The following SRL variants were observed in gnomAD, a reference collection of about 807,000 sequenced individuals.
SRL encodes sarcalumenin.
SRL carries 23 observed loss-of-function variants against 39.5 expected under a neutral mutation model. That is an observed-to-expected ratio of 0.58 (90% CI 0.42 to 0.82). The LOEUF is 0.82. SRL is among the 40% of genes least tolerant of loss of function. SRL has a pLI of 0.00. For missense variants in SRL, 592 were observed against 607.8 expected (o/e 0.97, Z 0.27); for synonymous variants, 272 against 237.4 (o/e 1.15, Z -1.34).
intron 3 of SRL, among the ~76,000 whole-genome samples, chr16:4,198,386 C>T (rs904274508): frequency 6.6e-6 from 1 of 152,186 alleles, no homozygotes; most frequent in African/African-American, 2.4e-5. Flanking sequence ...CTCCTCCAGC[C>T]TGGGGCTCCC....
At chr16:4,210,675 G>A (rs146037660) in intron 1 of SRL, among the ~76,000 whole-genome samples, 98 of 151,972 alleles carry the variant, frequency 6.4e-4, no homozygotes, top group African/African-American at 1.9e-3. Flanking sequence ...TAGAGACAGG[G>A]TTTCACCATG....
intron 1 of SRL, chr16:4,207,980 T>C: frequency 2.2e-6 from 1 of 456,754 alleles, no homozygotes; most frequent in Non-Finnish European, 4.4e-6. Flanking sequence ...GTTTCTTGTC[T>C]TGAGGGGCTG....
At chr16:4,207,209 G>T (rs780740647) in intron 1 of SRL, 1 of 456,998 alleles carries the variant, frequency 2.2e-6, no homozygotes, top group African/African-American at 2.0e-5. Context: ...CTTCTTCCTC[G>T]CTTCCACTTC....
At chr16:4,206,779 C>A (rs916091680) in intron 1 of SRL, 5 of 456,770 alleles carry the variant, frequency 1.1e-5, no homozygotes, top group African/African-American at 2.0e-5. Flanking sequence ...TCCTCGGGCT[C>A]CTCTGCCTTC....
Position 4,192,121 on chromosome 16 carries a change from C to A in SRL, c.*32G>T. On this transcript the variant is annotated 3_prime_UTR_variant, in exon 6 of 6. Coordinates refer to ENST00000399609, the MANE Select transcript of SRL (RefSeq NM_001098814.2). The surrounding 1 kb of genome is among the most constrained non-coding windows in gnomAD (Gnocchi z 4.0). ...CAGACAGTTAGGACACAAGCTGATT[C>A]ACCAACAGGAACCCAAGGACCGCTC... 1 of 1,525,326 alleles carries A rather than the reference C, an allele frequency of 6.6e-7. No homozygotes were observed. The highest frequency in any genetic ancestry group is 2.2e-5 in the Admixed American group (1 of 44,854). 94.5% of individuals were successfully genotyped at this position (1,525,326 alleles called of 1,614,324 possible).
chr16:4,208,202 G>A (rs913459898), intron 1 of SRL: 12 of 368,524 alleles, frequency 3.3e-5, no homozygotes, highest in African/African-American at 4.3e-5. Context: ...TCTGGGATGT[G>A]GTGTTGGCCT....
intron 1 of SRL, 66 bp from the exon 2 acceptor site, chr16:4,204,700 C>CACAGCA: frequency 7.0e-7 from 1 of 1,428,204 alleles, no homozygotes; most frequent in Non-Finnish European, 9.9e-7. Flanking sequence ...TGGGCCCCGG[C>CACAGCA]ACAGCAGACG....
chr16:4,208,573 C>T (rs1198627000), intron 1 of SRL, among the ~76,000 whole-genome samples: 1 of 152,200 alleles, frequency 6.6e-6, no homozygotes, highest in Non-Finnish European at 1.5e-5. Context: ...CACCTCATGG[C>T]AGTTCCTACT....
chr16:4,200,715 T>C (rs1364316878), intron 3 of SRL, among the ~76,000 whole-genome samples: 3 of 152,230 alleles, frequency 2.0e-5, no homozygotes, highest in Admixed American at 6.5e-5. Context: ...GGGGCGATAA[T>C]TGGCTGCTAG....
rs76727494 is a variant in SRL at position 4,200,355 on chromosome 16, G to C, written c.260-2440C>G. 4.6e-5 allele frequency among the ~76,000 whole-genome samples: 7 copies of C among 152,308 alleles called. No homozygotes were observed. The East Asian group carries it at 1.4e-3, about 29-fold the overall frequency. On this transcript the variant is annotated intron_variant, in intron 3 of 5. Transcript: ENST00000399609. ...AGCCCTAGATGTTCCGGTTCTCCGA[G>C]ACAAACCACAAACAGGGCCCTTTCC...
intron 1 of SRL, among the ~76,000 whole-genome samples, chr16:4,241,593 G>A (rs2052773965): frequency 6.6e-6 from 1 of 152,168 alleles, no homozygotes; most frequent in Non-Finnish European, 1.5e-5. Flanking sequence ...TCTTACCCGA[G>A]TGGGGCCTCC....
intron 3 of SRL, among the ~76,000 whole-genome samples, chr16:4,199,364 CTTTTT>C (rs71139622): frequency 0.031 from 2,608 of 84,678 alleles, 67 homozygotes; most frequent in African/African-American, 0.1. Context: ...TATTCCCCAT[CTTTTT>C]TTTTTTTTTT....
chr16:4,221,379 C>G (rs983781873), intron 1 of SRL, among the ~76,000 whole-genome samples: 1 of 152,188 alleles, frequency 6.6e-6, no homozygotes, highest in Non-Finnish European at 1.5e-5. Context: ...TTGGCAGCCT[C>G]ATGGCCACAC....
In SRL at chr16:4,211,842, T is replaced by C. The variant is rs112287180; in HGVS notation, c.62-7208A>G. On this transcript the variant is annotated intron_variant, in intron 1 of 5. Transcript: ENST00000399609. ...GCAGCAATGGTGGTGATGATGATGA[T>C]GGTGATGACGACGATGACGACGATG... 2.0e-3 allele frequency among the ~76,000 whole-genome samples: 299 copies of C among 152,230 alleles called. 1 individual carries two copies. Among genetic ancestry groups the C allele is most frequent in the Non-Finnish European group, 4.0e-3 (274 of 68,006 alleles).
intron 1 of SRL, among the ~76,000 whole-genome samples, chr16:4,219,706 C>T (rs189530097): frequency 1.3e-5 from 2 of 152,118 alleles, no homozygotes; most frequent in African/African-American, 2.4e-5. Context: ...AGTGATCCTC[C>T]CGCCTTGGCC....
chr16:4,193,967 A>G (rs1364885758), intron 5 of SRL, among the ~76,000 whole-genome samples: 1 of 150,970 alleles, frequency 6.6e-6, no homozygotes, highest in Admixed American at 6.6e-5. Flanking sequence ...TAATATTACT[A>G]CTAATATTAT....
intron 1 of SRL, among the ~76,000 whole-genome samples, chr16:4,212,350 AG>A (rs1403834259): frequency 2.6e-4 from 40 of 152,270 alleles, no homozygotes; most frequent in African/African-American, 8.4e-4. Flanking sequence ...CCCAGGAAGC[AG>A]CTGTGCCACT....
chr16:4,231,634 T>C (rs1047526957), intron 1 of SRL, among the ~76,000 whole-genome samples: 1 of 152,176 alleles, frequency 6.6e-6, no homozygotes, highest in Non-Finnish European at 1.5e-5. Flanking sequence ...TGGTTCTCTA[T>C]TCATGTCATG....
At chr16:4,219,245 C>CT (rs1455288260) in intron 1 of SRL, among the ~76,000 whole-genome samples, 2 of 152,250 alleles carry the variant, frequency 1.3e-5, no homozygotes, top group African/African-American at 4.8e-5. Flanking sequence ...ACCCCGCAGC[C>CT]GTAGTCTTCC....
Sources: gnomAD v4.1 joint callset for allele counts (sites outside exome capture counted in the v4.1 genomes callset) on GRCh38, gnomAD v4.1.1 for gene constraint, Gnocchi (gnomAD v3.1) non-coding constraint, MANE v1.5 for transcripts, NCBI Gene and HGNC (gene_info 2026-07-23, HGNC 2026-07-21) for gene names.